The following CCDC61 variants were observed in gnomAD, a reference collection of about 807,000 sequenced individuals.
CCDC61 encodes the protein coiled-coil domain containing 61.
Under a neutral mutation model 63.0 loss-of-function variants are expected in CCDC61, and 55 were observed. The ratio of observed to expected loss-of-function variants is 0.87; its 90% CI spans 0.70 to 1.09. The LOEUF is 1.09. CCDC61 is among the 50% of genes least tolerant of loss of function. The probability of loss-of-function intolerance (pLI) is 0.00; values close to 1 mark genes in which losing one functional copy is unlikely to be tolerated. For missense variants in CCDC61, 651 were observed against 731.4 expected (o/e 0.89, Z 1.27); for synonymous variants, 270 against 317.0 (o/e 0.85, Z 1.58).
In CCDC61 at chr19:46,018,040, C is replaced by A; in HGVS notation, c.1369-38C>A. The A allele has an allele frequency of 6.5e-7, 1 of 1,546,374 alleles. No homozygotes were observed. The highest frequency in any genetic ancestry group is 8.8e-7 in the Non-Finnish European group (1 of 1,135,810). ...ATTTAGGGGGACAGAAATAGAGGGA[C>A]GGTGGGTGACCCCCTTTCCTACCTT... is the stretch of plus-strand genomic sequence containing the variant. On this transcript the variant is annotated intron_variant, in intron 12 of 13. Transcript: ENST00000595358. The surrounding 1 kb of genome is among the most constrained non-coding windows in gnomAD (Gnocchi z 4.2).
chr19:45,996,430 C>CT (rs72345627), intron 1 of CCDC61: 47,566 of 137,506 alleles, frequency 0.35, 8,772 homozygotes, highest in East Asian at 0.56. Flanking sequence ...TTGGAGTGTT[C>CT]TTTTTTTTTT....
rs779155038 is a variant in CCDC61, at chr19:46,017,049, C to T, written c.1290C>T (p.Phe430=). The part of the protein sequence containing the change: ...SASSCSDLED[F]SESLSRGGHR... ...GCTCCTGCAGCGATTTGGAGGATTT[C>T]TCTGAGTCGCTCTCCAGAGGGTAAA... Residue 430 remains phenylalanine, a synonymous_variant, in exon 11 of 14, where the codon TTC becomes TTT. Transcript: ENST00000595358. The T allele has an allele frequency of 6.2e-7, 1 of 1,612,396 alleles. No individual in the cohort carries two copies.
chr19:46,016,504 C>T lies in CCDC61; in HGVS notation c.1091+111C>T. On this transcript the variant is annotated intron_variant, in intron 9 of 13. Transcript: ENST00000595358. This position sits in a 1 kb window ranked among gnomAD's most constrained non-coding sequence, Gnocchi z 7.2. ...TCCATCCCCTGCCACCTGCTCGCTT[C>T]TCGCCGGATACCCCGCCTGCTCTCC... The T allele has an allele frequency of 1.4e-6, 2 of 1,420,980 alleles. No individual in the cohort carries two copies. Among genetic ancestry groups the T allele is most frequent in the Non-Finnish European group, 1.9e-6 (2 of 1,030,256 alleles). 88.0% of individuals were successfully genotyped at this position (1,420,980 alleles called of 1,614,324 possible).
chr19:46,000,080 G>A (rs907285063), intron 1 of CCDC61: 41 of 984,940 alleles, frequency 4.2e-5, no homozygotes, highest in Non-Finnish European at 4.7e-5. Context: ...GGTCAGCGGC[G>A]GGAGGGGAGA....
At chr19:45,995,609 C>A in intron 1 of CCDC61, 105 bp downstream of exon 1, 1 of 384,604 alleles carries the variant, frequency 2.6e-6, no homozygotes, top group Non-Finnish European at 5.3e-6. Flanking sequence ...GGCAGCTGAC[C>A]TGGCCTTGTA....
intron 1 of CCDC61, among the ~76,000 whole-genome samples, chr19:45,998,986 G>A (rs779107112): frequency 1.3e-5 from 2 of 152,156 alleles, no homozygotes; most frequent in Non-Finnish European, 2.9e-5. Flanking sequence ...AAGGTCAGCT[G>A]GGTAAGGGGA....
At chr19:46,006,459 G>T in intron 3 of CCDC61, 100 bp from the exon 4 acceptor site, 3 of 1,211,144 alleles carry the variant, frequency 2.5e-6, no homozygotes, top group Non-Finnish European at 3.3e-6. Context: ...AGCCTAGCCC[G>T]CCTAGAGAAC....
In CCDC61 at chr19:45,995,497, T is replaced by C. The variant is rs751163235; in HGVS notation, c.-19T>C. ...AACCGCTCGCGAGGAGGGTTGCTAGTGGAGAAGGTGAGAGGCCGCGGGAGT... is the reference window on the plus strand; with the variant it reads ...AACCGCTCGCGAGGAGGGTTGCTAGCGGAGAAGGTGAGAGGCCGCGGGAGT... On this transcript the variant is annotated 5_prime_UTR_variant, in exon 1 of 14. Transcript: ENST00000595358. 2.5e-5 allele frequency: 13 copies of C among 528,270 alleles called. No individual in the cohort carries two copies. The highest frequency in any genetic ancestry group is 1.0e-4 in the South Asian group (7 of 70,294). 32.7% of individuals were successfully genotyped at this position (528,270 alleles called of 1,614,324 possible).
intron 1 of CCDC61, among the ~76,000 whole-genome samples, chr19:46,000,885 G>A (rs1270312161): frequency 5.9e-5 from 9 of 152,078 alleles, no homozygotes; most frequent in South Asian, 2.1e-4. Context: ...TGGGTATGGG[G>A]GGTTTCTGCC....
At position 46,006,856 on chromosome 19, in the gene CCDC61, G is replaced by C. The variant is rs564447777; in HGVS notation, c.389+140G>C. 1.5e-5 allele frequency: 11 copies of C among 736,262 alleles called. No individual in the cohort carries two copies. In the African/African-American group the frequency reaches 1.9e-4, roughly 13 times the overall value. The allele number at this position is 736,262 out of a possible 1,614,324, so 45.6% of individuals were successfully genotyped here. A position where few individuals can be genotyped will look rare whatever the true frequency, so the allele number is the denominator to read the frequency against. On this transcript the variant is annotated intron_variant, in intron 4 of 13. Transcript: ENST00000595358. The stretch of plus-strand genomic sequence containing the variant: ...TTGGGAATCTTCCCTGTTGGGGTTT[G>C]TATCATTTAGTATTGTGTTTGGCTA...
At chr19:46,001,166 G>C (rs1404386567) in intron 1 of CCDC61, among the ~76,000 whole-genome samples, 2 of 152,126 alleles carry the variant, frequency 1.3e-5, no homozygotes, top group African/African-American at 4.8e-5. Context: ...CACTGCATTG[G>C]GGTCAGGGGA....
At chr19:46,012,711 T>A (rs2146480023) in intron 5 of CCDC61, among the ~76,000 whole-genome samples, 1 of 151,980 alleles carries the variant, frequency 6.6e-6, no homozygotes, top group South Asian at 2.1e-4. Context: ...TATGTCTTTT[T>A]CCGGGAGAGA....
intron 1 of CCDC61, among the ~76,000 whole-genome samples, 194 bp from the exon 2 acceptor site, chr19:46,002,814 C>A (rs949735190): frequency 6.6e-6 from 1 of 152,212 alleles, no homozygotes; most frequent in Non-Finnish European, 1.5e-5. Context: ...GTAATCCTCA[C>A]AACAAGTCCA....
chr19:46,016,063 T>C lies in CCDC61; in HGVS notation c.855T>C (p.Thr285=). The change falls in exon 8 of 14, where the codon ACT becomes ACC. Residue 285 remains threonine, a synonymous_variant. Coordinates refer to ENST00000595358, the MANE Select transcript of CCDC61 (RefSeq NM_001267723.2). This position sits in a 1 kb window ranked among gnomAD's most constrained non-coding sequence, Gnocchi z 7.2. The part of the protein sequence containing the change: ...ELALYKRGRR[T]PPVQPPPTRE... The stretch of plus-strand genomic sequence containing the variant: ...GCCTCTGTGGTCTCAGGAGGCGGAC[T>C]CCGCCGGTGCAGCCGCCCCCGACGC... 1 of 1,235,186 alleles carries C rather than the reference T, an allele frequency of 8.1e-7. No homozygotes were observed. The highest frequency in any genetic ancestry group is 1.0e-6 in the Non-Finnish European group (1 of 990,814). The allele number at this position is 1,235,186 out of a possible 1,614,324, so 76.5% of individuals were successfully genotyped here. A position where few individuals can be genotyped will look rare whatever the true frequency, so the allele number is the denominator to read the frequency against.
intron 3 of CCDC61, among the ~76,000 whole-genome samples, chr19:46,005,130 C>T (rs748533515): frequency 6.6e-5 from 10 of 152,130 alleles, no homozygotes; most frequent in African/African-American, 2.2e-4. Context: ...CCTATTTCAG[C>T]CTCCCGAGTA....
chr19:46,011,597 G>A (rs1968829902), intron 5 of CCDC61, among the ~76,000 whole-genome samples: 1 of 152,158 alleles, frequency 6.6e-6, no homozygotes, highest in African/African-American at 2.4e-5. Flanking sequence ...CCCTATATAG[G>A]TTTAATCACA....
In CCDC61 at chr19:46,003,820, C is replaced by CGTGT. The variant is rs55945123; in HGVS notation, c.231+358_231+361dup. Among the ~76,000 whole-genome samples the CGTGT allele has an allele frequency of 1.9e-3, 267 of 143,998 alleles. 2 individuals carry two copies. Among genetic ancestry groups the CGTGT allele is most frequent in the African/African-American group, 4.0e-3 (159 of 39,298 alleles). The allele number at this position is 143,998 out of a possible 152,430, so 94.5% of individuals were successfully genotyped here. On this transcript the variant is annotated intron_variant, in intron 3 of 13. Transcript: ENST00000595358. ...CCATGTCTCTGTTTGTTTCCAAATA[C>CGTGT]GTGTGTGTGTGTGTGTGTGTGTGTG...
At chr19:46,017,097 G>T in intron 11 of CCDC61, 28 bp downstream of exon 11, 1 of 1,601,016 alleles carries the variant, frequency 6.2e-7, no homozygotes, top group Non-Finnish European at 8.5e-7. Flanking sequence ...GAAAAGGATC[G>T]CCTCCAAAGG....
At chr19:45,997,100 C>T (rs4803881) in intron 1 of CCDC61, among the ~76,000 whole-genome samples, 72,083 of 151,730 alleles carry the variant, frequency 0.48, 17,370 homozygotes, top group Non-Finnish European at 0.49. Context: ...CCTGGCCTCC[C>T]CGCTGTCATT....
Sources: gnomAD v4.1 joint callset for allele counts (sites outside exome capture counted in the v4.1 genomes callset) on GRCh38, gnomAD v4.1.1 for gene constraint, Gnocchi (gnomAD v3.1) non-coding constraint, MANE v1.5 for transcripts, NCBI Gene and HGNC (gene_info 2026-07-23, HGNC 2026-07-21) for gene names.